The following NUDT12 variants were observed in gnomAD, a reference collection of about 807,000 sequenced individuals.
The protein encoded by NUDT12 is NAD-capped RNA hydrolase NUDT12.
A neutral mutation model predicts 45.7 loss-of-function variants in NUDT12; 42 were observed. That is an observed-to-expected ratio of 0.92 (90% CI 0.72 to 1.19). The LOEUF (loss-of-function observed/expected upper bound fraction) is 1.19. Among genes scored for constraint, NUDT12 ranks in the 50% most tolerant of loss-of-function variants. The pLI is 0.00. For missense variants in NUDT12, 590 were observed against 533.1 expected, an observed-to-expected ratio of 1.11 and a Z score of -1.05; for synonymous variants, 206 against 179.7, an observed-to-expected ratio of 1.15 and a Z score of -1.17.
intron 3 of NUDT12, among the ~76,000 whole-genome samples, chr5:103,557,390 G>T (rs1319141477): frequency 6.7e-6 from 1 of 150,080 alleles, no homozygotes; most frequent in South Asian, 2.1e-4. Context: ...AGACTTTGAG[G>T]AGGAGATATT....
intron 1 of NUDT12, among the ~76,000 whole-genome samples, chr5:103,560,560 T>G (rs907103459): frequency 1.4e-5 from 2 of 141,024 alleles, no homozygotes; most frequent in Admixed American, 1.5e-4. Flanking sequence ...AAGGAGGAGG[T>G]ATTTAGGGTA....
intron 1 of NUDT12, among the ~76,000 whole-genome samples, chr5:103,561,695 T>C (rs1430386938): frequency 6.6e-6 from 1 of 152,244 alleles, no homozygotes; most frequent in Non-Finnish European, 1.5e-5. Flanking sequence ...ATTGTCTTTC[T>C]CTTAAGTTTA....
rs200778169 is a variant in NUDT12 at position 103,559,209 on chromosome 5, A to C, written c.466T>G (p.Leu156Val). 2.6e-6 allele frequency: 4 copies of C among 1,558,278 alleles called. No homozygotes were observed. Among genetic ancestry groups the C allele is most frequent in the Non-Finnish European group, 3.5e-6 (4 of 1,156,892 alleles). Residue 156 changes from leucine (L) to valine (V), a missense_variant, in exon 3 of 7, where the codon TTA becomes GTA. Physicochemically the swap from Leu to Val is conservative, Grantham distance 32. Coordinates refer to ENST00000230792, the MANE Select transcript of NUDT12 (RefSeq NM_031438.4). ...PATVFILFSD[L>V]NPLVTLGGNK... ...CCACCTAGAGTAACCAAGGGATTTAAATCTGAGAAAAGAATAAAAACTGTG... is the reference window on the plus strand; with the variant it reads ...CCACCTAGAGTAACCAAGGGATTTACATCTGAGAAAAGAATAAAAACTGTG...
Position 103,556,072 on chromosome 5 carries a change from G to C in NUDT12, c.823C>G (p.Leu275Val). Residue 275 changes from leucine (L) to valine (V), a missense_variant, in exon 4 of 7, where the codon CTT (leucine) becomes GTT (valine). Coordinates refer to ENST00000230792, the MANE Select transcript of NUDT12 (RefSeq NM_031438.4). ...AACTTGTATCGACTGTGCCAGGCAA[G>C]AACAGATCTTGCTTGAGCTACAACC... ...AGVVAQARSV[L>V]AWHSRYKFCP... 3 of 1,609,182 alleles carry C rather than the reference G, an allele frequency of 1.9e-6. No individual in the cohort carries two copies. In the East Asian group the frequency reaches 6.7e-5, roughly 36 times the overall value.
intron 1 of NUDT12, among the ~76,000 whole-genome samples, chr5:103,560,555 G>A (rs1044336988): frequency 6.1e-5 from 9 of 147,786 alleles, no homozygotes; most frequent in Admixed American, 5.5e-4. Flanking sequence ...TACATAAGGA[G>A]GAGGTATTTA....
intron 4 of NUDT12, 148 bp downstream of exon 4, chr5:103,555,783 G>A: frequency 2.1e-6 from 1 of 469,656 alleles, no homozygotes; most frequent in South Asian, 8.7e-5. Context: ...TAAAAATCAT[G>A]AAAGTGTGTA....
Position 103,549,940 on chromosome 5 carries a change from T to C in NUDT12, c.*921A>G, listed in dbSNP as rs1476456323. 3.9e-5 allele frequency: 6 copies of C among 152,162 alleles called. No homozygotes were observed. In the East Asian group the frequency reaches 1.2e-3, roughly 29 times the overall value. 9.4% of individuals were successfully genotyped at this position (152,162 alleles called of 1,614,324 possible). A position where few individuals can be genotyped will look rare whatever the true frequency, so the allele number is the denominator to read the frequency against. Reference sequence around the variant, plus strand: ...CATAATAAATAGTATTGGTAATGATTATACAATTTTTTGTTAACACAGATA... The same window carrying C: ...CATAATAAATAGTATTGGTAATGATCATACAATTTTTTGTTAACACAGATA... On this transcript the variant is annotated 3_prime_UTR_variant, in exon 7 of 7. Coordinates refer to ENST00000230792, the MANE Select transcript of NUDT12 (RefSeq NM_031438.4).
At chr5:103,552,732 T>C (rs556822653) in intron 5 of NUDT12, among the ~76,000 whole-genome samples, 1 of 152,294 alleles carries the variant, frequency 6.6e-6, no homozygotes, top group African/African-American at 2.4e-5. Context: ...GCAAACACTT[T>C]ATATCTTATC....
chr5:103,557,280 GATAT>G (rs10593905), intron 3 of NUDT12, among the ~76,000 whole-genome samples: 5,326 of 118,858 alleles, frequency 0.045, 387 homozygotes, highest in Non-Finnish European at 0.064. Flanking sequence ...ATCTTAAAAT[GATAT>G]ATATATATAT....
rs1227609679 is a variant in NUDT12 at position 103,554,741 on chromosome 5, A to G, written c.1077T>C (p.Pro359=). Residue 359 remains proline (P), a splice_region_variant and synonymous_variant, in exon 5 of 7, where the codon CCT becomes CCC. Transcript: ENST00000230792. ...ATAAATTATTAAGAAATGGCTTACC[A>G]GGCTCAATAAATCCAGCAAGGCAAG... ...MFTCLAGFIE[P]GETIEDAVRR... The G allele has an allele frequency of 7.5e-7, 1 of 1,340,612 alleles. No homozygotes were observed. Among genetic ancestry groups the G allele is most frequent in the Non-Finnish European group, 1.0e-6 (1 of 992,522 alleles). 83.0% of individuals were successfully genotyped at this position (1,340,612 alleles called of 1,614,324 possible). A position where few individuals can be genotyped will look rare whatever the true frequency, so the allele number is the denominator to read the frequency against.
intron 1 of NUDT12, among the ~76,000 whole-genome samples, chr5:103,560,522 G>A (rs954880935): frequency 6.6e-6 from 1 of 152,078 alleles, no homozygotes; most frequent in Non-Finnish European, 1.5e-5. Context: ...CATATCCTTG[G>A]GAGGGGGAAC....
intron 6 of NUDT12, among the ~76,000 whole-genome samples, chr5:103,551,273 G>A (rs895873589): frequency 6.6e-6 from 1 of 151,834 alleles, no homozygotes; most frequent in Non-Finnish European, 1.5e-5. Flanking sequence ...GGTGCACCTG[G>A]CTAACTTTTT....
intron 3 of NUDT12, among the ~76,000 whole-genome samples, chr5:103,557,280 G>GGT (rs1491335747): frequency 0.025 from 2,980 of 117,238 alleles, 310 homozygotes; most frequent in South Asian, 0.035. Context: ...ATCTTAAAAT[G>GGT]ATATATATAT....
At chr5:103,555,847 C>T (rs1748798009) in intron 4 of NUDT12, 84 bp downstream of exon 4, 1 of 1,000,198 alleles carries the variant, frequency 1.0e-6, no homozygotes, top group Non-Finnish European at 1.4e-6. Flanking sequence ...AAGGAAAACT[C>T]TTTAGCTCCT....
Position 103,558,994 on chromosome 5 carries a change from C to T in NUDT12, c.681G>A (p.Trp227Ter), listed in dbSNP as rs760091430. Residue 227 changes from tryptophan to a stop codon, truncating the protein, a stop_gained, in exon 3 of 7, where the codon TGG becomes TGA. Coordinates refer to ENST00000230792, the MANE Select transcript of NUDT12 (RefSeq NM_031438.4). LOFTEE classifies it high-confidence loss of function. ...CAATAGGATCTATACCTAGAGCAAACCAGGCAACCAATCCATCTTCCTCCT... is the reference window on the plus strand; with the variant it reads ...CAATAGGATCTATACCTAGAGCAAATCAGGCAACCAATCCATCTTCCTCCT... ...PREEEDGLVAWFALGIDPIAA... is the reference protein window; with the variant it reads ...PREEEDGLVA 11 of 1,613,780 alleles carry T rather than the reference C, an allele frequency of 6.8e-6. No homozygotes were observed. Among genetic ancestry groups the T allele is most frequent in the Non-Finnish European group, 9.3e-6 (11 of 1,179,766 alleles).
intron 2 of NUDT12, 73 bp from the exon 3 acceptor site, chr5:103,559,541 T>C: frequency 1.3e-6 from 1 of 759,244 alleles, no homozygotes; most frequent in Non-Finnish European, 2.0e-6. Context: ...TTTATTTCAC[T>C]AAAATATTTC....
intron 3 of NUDT12, among the ~76,000 whole-genome samples, chr5:103,557,280 G>GATATATAT (rs10593905): frequency 5.0e-5 from 6 of 118,932 alleles, no homozygotes; most frequent in East Asian, 2.6e-4. Context: ...ATCTTAAAAT[G>GATATATAT]ATATATATAT....
chr5:103,558,345 C>G (rs754908051), intron 3 of NUDT12, among the ~76,000 whole-genome samples: 7 of 152,120 alleles, frequency 4.6e-5, no homozygotes, highest in Non-Finnish European at 8.8e-5. Context: ...CCATTGCAAT[C>G]TCTTACTTGG....
intron 6 of NUDT12, among the ~76,000 whole-genome samples, chr5:103,551,733 G>A (rs294045): frequency 0.78 from 119,073 of 152,076 alleles, 47,047 homozygotes; most frequent in African/African-American, 0.83. Context: ...TGACATTTTA[G>A]AAAGTTATTT....
Sources: gnomAD v4.1 joint callset for allele counts (sites outside exome capture counted in the v4.1 genomes callset) on GRCh38, gnomAD v4.1.1 for gene constraint, MANE v1.5 for transcripts, NCBI Gene and HGNC (gene_info 2026-07-23, HGNC 2026-07-21) for gene names.